The following INPP5B variants were observed in gnomAD, a reference collection of about 807,000 sequenced individuals.
INPP5B encodes the protein inositol polyphosphate-5-phosphatase B.
In INPP5B, 90 loss-of-function variants were observed where a neutral mutation model predicts 118.5. That is an observed-to-expected ratio of 0.76 (90% CI 0.64 to 0.90). The LOEUF (loss-of-function observed/expected upper bound fraction) is 0.90, where lower values mean the gene tolerates loss of function less well. Among genes scored for constraint, INPP5B ranks in the 40% least tolerant of loss-of-function variants. INPP5B has a pLI of 0.00. For synonymous variants in INPP5B, 385 were observed against 418.9 expected (o/e 0.92, Z 0.99); for missense variants, 984 against 1,125.6 (o/e 0.87, Z 1.80).
chr1:37,920,516 T>A (rs1221910129), intron 7 of INPP5B, among the ~76,000 whole-genome samples: 2 of 151,094 alleles, frequency 1.3e-5, no homozygotes, highest in East Asian at 3.9e-4. Flanking sequence ...AACACAAGTA[T>A]TACCCAGGTG....
intron 7 of INPP5B, among the ~76,000 whole-genome samples, chr1:37,906,019 A>C (rs28885132): frequency 0.23 from 34,984 of 152,208 alleles, 4,542 homozygotes; most frequent in East Asian, 0.29. Context: ...AGTATTCTCA[A>C]CTTATGGCAA....
At chr1:37,873,551 A>G (rs991368286) in intron 18 of INPP5B, among the ~76,000 whole-genome samples, 1 of 152,204 alleles carries the variant, frequency 6.6e-6, no homozygotes, top group Non-Finnish European at 1.5e-5. Context: ...AATTGTCCAC[A>G]AAACACCCTT....
chr1:37,887,177 G>A (rs2279261), intron 11 of INPP5B, among the ~76,000 whole-genome samples, 173 bp from the exon 12 acceptor site: 1 of 151,896 alleles, frequency 6.6e-6, no homozygotes, highest in African/African-American at 2.4e-5. Context: ...CCTACGAGTG[G>A]CGAGACCCTG....
In INPP5B at chr1:37,943,795, C is replaced by A. The variant is rs1646023983; in HGVS notation, c.250+1G>T. On this transcript the variant is annotated splice_donor_variant, in intron 4 of 23. Coordinates refer to ENST00000373024, the MANE Select transcript of INPP5B (RefSeq NM_005540.3). LOFTEE classifies it high-confidence loss of function. ...TCATACCACCCAGCCCCCTGTGGCA[C>A]CTTCTTCCAGCGTAAAATCCCGCGA... 4 of 1,613,986 alleles carry A rather than the reference C, an allele frequency of 2.5e-6. No homozygotes were observed. The highest frequency in any genetic ancestry group is 3.4e-6 in the Non-Finnish European group (4 of 1,179,862).
At chr1:37,910,281 A>G (rs1408708215) in intron 7 of INPP5B, among the ~76,000 whole-genome samples, 2 of 152,078 alleles carry the variant, frequency 1.3e-5, no homozygotes, top group Admixed American at 6.5e-5. Flanking sequence ...CCTTGCCTCC[A>G]TAACTGTTGT....
At chr1:37,937,406 C>A (rs139202065) in intron 6 of INPP5B, among the ~76,000 whole-genome samples, 45 of 152,222 alleles carry the variant, frequency 3.0e-4, no homozygotes, top group Non-Finnish European at 5.7e-4. Context: ...CTGAGATGGG[C>A]AGGTCACCTG....
chr1:37,904,062 C>G (rs767037840), intron 7 of INPP5B, among the ~76,000 whole-genome samples: 2 of 152,168 alleles, frequency 1.3e-5, no homozygotes, highest in African/African-American at 2.4e-5. Flanking sequence ...CATGGTGGCT[C>G]ATGCCTGTAA....
At chr1:37,938,029 T>C (rs1199107057) in intron 6 of INPP5B, among the ~76,000 whole-genome samples, 2 of 146,942 alleles carry the variant, frequency 1.4e-5, no homozygotes, top group East Asian at 2.0e-4. Context: ...TCCCAGCACA[T>C]TGGGAGGCCG....
At position 37,875,683 on chromosome 1, in the gene INPP5B, T is replaced by C. The variant is rs1642752306; in HGVS notation, c.1711A>G (p.Thr571Ala). The stretch of plus-strand genomic sequence containing the variant: ...AGGGAGCGAACAATTTCCTCCAGTG[T>C]CTTCCGGTAAAGCTCGTCATTTACG... ...RVVNDELYRK[T>A]LEEIVRSLDK... Residue 571 changes from threonine to alanine, a missense_variant, in exon 17 of 24, where the codon ACA becomes GCA. Physicochemically the swap from Thr to Ala is moderately conservative, Grantham distance 58. This residue lies in a region of INPP5B where 634 missense variants were observed against 791.0 expected (regional missense o/e 0.80). Transcript: ENST00000373024. 1 of 1,614,054 alleles carries C rather than the reference T, an allele frequency of 6.2e-7. No individual in the cohort carries two copies. Among genetic ancestry groups the C allele is most frequent in the Admixed American group, 1.7e-5 (1 of 60,006 alleles).
intron 12 of INPP5B, among the ~76,000 whole-genome samples, chr1:37,886,144 T>A (rs1643521215): frequency 6.6e-6 from 1 of 151,562 alleles, no homozygotes; most frequent in Non-Finnish European, 1.5e-5. Flanking sequence ...GCCACTGCAC[T>A]CCAGCCTGGG....
chr1:37,946,386 G>T (rs41268245), intron 1 of INPP5B, 52 bp from the exon 2 acceptor site: 1 of 1,396,100 alleles, frequency 7.2e-7, no homozygotes, highest in Non-Finnish European at 9.9e-7. Context: ...TACGCATGGG[G>T]TGGTGGAGCT....
intron 15 of INPP5B, chr1:37,878,546 G>T: frequency 1.0e-6 from 1 of 956,152 alleles, no homozygotes; most frequent in Non-Finnish European, 1.2e-6. Context: ...ACAGAGTTCA[G>T]ACTGATTCTC....
chr1:37,869,342 G>A (rs1424898663), intron 19 of INPP5B, among the ~76,000 whole-genome samples: 3 of 148,740 alleles, frequency 2.0e-5, no homozygotes, highest in Non-Finnish European at 4.5e-5. Flanking sequence ...GTGGGGTCTC[G>A]CTATGCTGCC....
chr1:37,862,392 C>T lies in INPP5B; in HGVS notation c.2665G>A (p.Gly889Ser). The T allele has an allele frequency of 6.2e-7, 1 of 1,613,826 alleles. No individual in the cohort carries two copies. Among genetic ancestry groups the T allele is most frequent in the Non-Finnish European group, 8.5e-7 (1 of 1,179,772 alleles). The change falls in exon 24 of 24, where the codon GGT (glycine) becomes AGT (serine). Residue 889 changes from glycine to serine, a missense_variant. Coordinates refer to ENST00000373024, the MANE Select transcript of INPP5B (RefSeq NM_005540.3). The stretch of plus-strand genomic sequence containing the variant: ...TCTGTCATATCAAGCTTTTGGTGAC[C>T]AGCTGGGTTTCGAAGCAATAAGCTG... Reference protein sequence around the residue: ...FGSLLLRNPAGHQKLDMTEKK... With the variant: ...FGSLLLRNPASHQKLDMTEKK...
intron 7 of INPP5B, among the ~76,000 whole-genome samples, chr1:37,927,129 A>C (rs1044289309): frequency 6.6e-6 from 1 of 152,134 alleles, no homozygotes; most frequent in Non-Finnish European, 1.5e-5. Context: ...CCTACTAAAA[A>C]TACAAAAATT....
At chr1:37,895,415 G>C (rs1570150666) in intron 7 of INPP5B, among the ~76,000 whole-genome samples, 1 of 152,150 alleles carries the variant, frequency 6.6e-6, no homozygotes, top group Non-Finnish European at 1.5e-5. Flanking sequence ...GACTGCTTGA[G>C]CCCAGGAGTT....
chr1:37,938,588 C>G (rs1645793857), intron 6 of INPP5B, among the ~76,000 whole-genome samples: 1 of 152,164 alleles, frequency 6.6e-6, no homozygotes, highest in Non-Finnish European at 1.5e-5. Context: ...CAAAGTTGCA[C>G]AGCTAGGTAC....
chr1:37,931,453 CCAAG>C, intron 7 of INPP5B: 9 of 1,530,130 alleles, frequency 5.9e-6, no homozygotes, highest in Non-Finnish European at 6.1e-6. Context: ...CTCCGGATTC[CCAAG>C]TACCCCATTC....
intron 19 of INPP5B, chr1:37,870,085 A>C (rs1410242595): frequency 6.6e-6 from 1 of 151,992 alleles, no homozygotes; most frequent in Non-Finnish European, 1.5e-5. Context: ...TTAAAAAAAA[A>C]CAAAAGAATA....
Sources: allele counts gnomAD v4.1 joint callset (sites outside exome capture counted in the v4.1 genomes callset), GRCh38; gene constraint gnomAD v4.1.1; regional missense constraint gnomAD v4.1.1; transcripts MANE v1.5; gene names NCBI Gene and HGNC (gene_info 2026-07-23, HGNC 2026-07-21).